The following SORCS3 variants were observed in gnomAD, a reference collection of about 807,000 sequenced individuals.
SORCS3 encodes VPS10 domain-containing receptor SorCS3.
A neutral mutation model predicts 146.3 loss-of-function variants in SORCS3; 57 were observed. The ratio of observed to expected loss-of-function variants is 0.39; its 90% CI spans 0.31 to 0.49. The LOEUF (loss-of-function observed/expected upper bound fraction) is 0.49, where lower values mean the gene tolerates loss of function less well. SORCS3 is among the 20% of genes least tolerant of loss of function. The pLI, the probability that SORCS3 is intolerant of heterozygous loss-of-function variation, is 0.92. For synonymous variants in SORCS3, 653 were observed against 618.5 expected (o/e 1.06, Z -0.83); for missense variants, 1,341 against 1,575.5 (o/e 0.85, Z 2.52).
chr10:105,190,746 C>T (rs973633638), intron 14 of SORCS3, among the ~76,000 whole-genome samples: 1 of 152,064 alleles, frequency 6.6e-6, no homozygotes, highest in South Asian at 2.1e-4. Flanking sequence ...ATCTGCTGAT[C>T]TACTGTTTGC....
At chr10:104,764,111 G>A (rs184372159) in intron 1 of SORCS3, among the ~76,000 whole-genome samples, 7 of 151,512 alleles carry the variant, frequency 4.6e-5, no homozygotes, top group Non-Finnish European at 1.5e-5. Context: ...GCTTGATGCA[G>A]GATATCTAAA....
intron 4 of SORCS3, among the ~76,000 whole-genome samples, chr10:105,033,001 T>C (rs373318158): frequency 6.6e-6 from 1 of 152,160 alleles, no homozygotes; most frequent in Admixed American, 6.6e-5. Context: ...GCATATAAAA[T>C]GAATAAAATC....
chr10:105,030,501 A>G (rs1333910506), intron 4 of SORCS3, among the ~76,000 whole-genome samples: 4 of 152,166 alleles, frequency 2.6e-5, no homozygotes, highest in Non-Finnish European at 1.5e-5. Context: ...TGTCATTTAC[A>G]TTGAATTCTG....
chr10:105,077,283 T>C (rs1162023431), intron 5 of SORCS3, among the ~76,000 whole-genome samples: 1 of 152,204 alleles, frequency 6.6e-6, no homozygotes, highest in African/African-American at 2.4e-5. Context: ...TCTTCTATTT[T>C]ATGAAACATT....
chr10:104,673,419 C>CGT (rs61501873), intron 1 of SORCS3, among the ~76,000 whole-genome samples: 34,843 of 145,880 alleles, frequency 0.24, 4,051 homozygotes, highest in Admixed American at 0.28. Context: ...TTCTTATTTC[C>CGT]GTGTGTGTGT....
At chr10:105,152,789 CT>C (rs2056176809) in intron 9 of SORCS3, among the ~76,000 whole-genome samples, 1 of 152,164 alleles carries the variant, frequency 6.6e-6, no homozygotes, top group Admixed American at 6.5e-5. Context: ...TCTTATTTAT[CT>C]CTCACAATAT....
At chr10:104,977,551 C>T in intron 4 of SORCS3, 58 bp downstream of exon 4, 6 of 1,469,410 alleles carry the variant, frequency 4.1e-6, no homozygotes, top group Non-Finnish European at 5.5e-6. Context: ...ATGTGAAAAT[C>T]ACTTGCTTGC....
intron 5 of SORCS3, among the ~76,000 whole-genome samples, chr10:105,053,974 A>G (rs1449927517): frequency 2.6e-5 from 4 of 152,124 alleles, no homozygotes; most frequent in African/African-American, 9.6e-5. Flanking sequence ...CAACTAAAAT[A>G]CCATTTCACT....
chr10:105,260,498 A>T (rs775525307), intron 25 of SORCS3, among the ~76,000 whole-genome samples: 13 of 152,214 alleles, frequency 8.5e-5, no homozygotes, highest in African/African-American at 3.1e-4. Flanking sequence ...CTTGTAAATT[A>T]TATTAAACTG....
intron 5 of SORCS3, among the ~76,000 whole-genome samples, chr10:105,043,956 C>T (rs957351756): frequency 6.6e-6 from 1 of 152,026 alleles, no homozygotes; most frequent in African/African-American, 2.4e-5. Context: ...CTTGCTATAA[C>T]ATGAAAATGA....
At chr10:105,134,720 A>G (rs928569249) in intron 7 of SORCS3, among the ~76,000 whole-genome samples, 1 of 152,164 alleles carries the variant, frequency 6.6e-6, no homozygotes, top group African/African-American at 2.4e-5. Context: ...TTAGGAGAGG[A>G]CAGAAACAAT....
intron 12 of SORCS3, among the ~76,000 whole-genome samples, chr10:105,165,221 G>T (rs13377154): frequency 0.1 from 15,622 of 152,056 alleles, 916 homozygotes; most frequent in Middle Eastern, 0.16. Context: ...AAATGGGTTC[G>T]TAGCTAGATA....
chr10:105,055,325 A>G (rs2055439025), intron 5 of SORCS3, among the ~76,000 whole-genome samples: 1 of 152,220 alleles, frequency 6.6e-6, no homozygotes, highest in African/African-American at 2.4e-5. Flanking sequence ...CAGACTACAG[A>G]GAGAATATGC....
At chr10:105,028,529 C>T (rs571677363) in intron 4 of SORCS3, among the ~76,000 whole-genome samples, 1 of 152,284 alleles carries the variant, frequency 6.6e-6, no homozygotes, top group Non-Finnish European at 1.5e-5. Context: ...ATATATCCAC[C>T]TTGTGAATCT....
intron 3 of SORCS3, among the ~76,000 whole-genome samples, chr10:104,969,956 A>T (rs1325273642): frequency 6.6e-6 from 1 of 152,202 alleles, no homozygotes; most frequent in Non-Finnish European, 1.5e-5. Flanking sequence ...CTCACGGTAT[A>T]TAAAATAAAG....
At chr10:104,941,433 C>T (rs1201180531) in intron 3 of SORCS3, among the ~76,000 whole-genome samples, 3 of 152,152 alleles carry the variant, frequency 2.0e-5, no homozygotes, top group Admixed American at 6.5e-5. Flanking sequence ...GTCTTCACTA[C>T]ACCTGGCCCT....
chr10:105,167,337 T>A lies in SORCS3; in HGVS notation c.1889T>A (p.Val630Asp). The A allele has an allele frequency of 6.2e-7, 1 of 1,613,212 alleles. No homozygotes were observed. Among genetic ancestry groups the A allele is most frequent in the South Asian group, 1.1e-5 (1 of 91,020 alleles). The change falls in exon 13 of 27, where the codon GTC becomes GAC. Residue 630 changes from valine (V) to aspartate (D), a missense_variant. Val to Asp is a radical substitution (Grantham distance 152). Coordinates refer to ENST00000369701, the MANE Select transcript of SORCS3 (RefSeq NM_014978.3). ...LVAMKHTPLP[V>D]RHLWVSFDEG... is the part of the protein sequence containing the mutation. ...GCCATGAAACACACACCTCTGCCAG[T>A]CAGGCATTTGTGGTAAGGAGAGCTC...
intron 5 of SORCS3, among the ~76,000 whole-genome samples, chr10:105,086,988 GCCTATGTCCTGGCCCA>G (rs2055665569): frequency 3.0e-5 from 1 of 33,012 alleles, no homozygotes; most frequent in Admixed American, 3.2e-4. Context: ...CTTTGCCCAT[GCCTATGTCCTGGCCCA>G]TGCCTATGTC....
chr10:104,903,066 G>T (rs910074134), intron 2 of SORCS3, among the ~76,000 whole-genome samples: 2 of 152,164 alleles, frequency 1.3e-5, no homozygotes, highest in African/African-American at 4.8e-5. Flanking sequence ...TTGAAGTAGA[G>T]TGCATAGAAC....
Sources: allele counts gnomAD v4.1 joint callset (sites outside exome capture counted in the v4.1 genomes callset), GRCh38; gene constraint gnomAD v4.1.1; transcripts MANE v1.5; gene names NCBI Gene and HGNC (gene_info 2026-07-23, HGNC 2026-07-21).